The following PNLIPRP1 variants were observed in gnomAD, a reference collection of about 807,000 sequenced individuals.
The protein encoded by PNLIPRP1 is pancreatic lipase related protein 1, also known as inactive pancreatic lipase-related protein 1.
Under a neutral mutation model 54.6 loss-of-function variants are expected in PNLIPRP1, and 57 were observed. The ratio of observed to expected loss-of-function variants is 1.04; its 90% confidence interval spans 0.84 to 1.30. PNLIPRP1 has a LOEUF of 1.30. Among genes scored for constraint, PNLIPRP1 ranks in the 50% most tolerant of loss-of-function variants. The probability of loss-of-function intolerance (pLI) is 0.00; values close to 1 mark genes in which losing one functional copy is unlikely to be tolerated. For synonymous variants in PNLIPRP1, 232 were observed against 208.8 expected (o/e 1.11, Z -0.96); for missense variants, 567 against 568.5 (o/e 1.00, Z 0.03).
At chr10:116,608,967 CAA>C in intron 12 of PNLIPRP1, 84 bp from the exon 13 acceptor site, 1 of 1,093,284 alleles carries the variant, frequency 9.1e-7, no homozygotes. Flanking sequence ...AAAACCAAAC[CAA>C]ACCAAACCAA....
chr10:116,592,699 C>T (rs1564735153), intron 4 of PNLIPRP1, 158 bp downstream of exon 4: 5 of 873,594 alleles, frequency 5.7e-6, no homozygotes, highest in African/African-American at 1.7e-5. Context: ...TCCATGTTTC[C>T]GCACTACATC....
rs1554863965 is a variant in PNLIPRP1 at position 116,596,331 on chromosome 10, C to T, written c.574+9C>T. 2.6e-6 allele frequency: 4 copies of T among 1,555,466 alleles called. No individual in the cohort carries two copies. Among genetic ancestry groups the T allele is most frequent in the South Asian group, 1.1e-5 (1 of 89,250 alleles). On this transcript the variant is annotated intron_variant, in intron 6 of 12. Coordinates refer to ENST00000358834, the MANE Select transcript of PNLIPRP1 (RefSeq NM_006229.4). ...CCTGAGCAGGATTACAGGTAAGGCC[C>T]CAGAGGCAGGGCCCCAGTTTTGTCC...
At chr10:116,604,854 G>A (rs1435083488) in intron 11 of PNLIPRP1, among the ~76,000 whole-genome samples, 1 of 151,736 alleles carries the variant, frequency 6.6e-6, no homozygotes, top group East Asian at 1.9e-4. Flanking sequence ...ACACCTGGCT[G>A]ATTTTTGTAT....
chr10:116,591,272 A>T lies in PNLIPRP1; in HGVS notation c.49+94A>T, dbSNP rs1225512442. 6 of 927,044 alleles carry T rather than the reference A, an allele frequency of 6.5e-6. No individual in the cohort carries two copies. The African/African-American group carries it at 9.7e-5, about 15-fold the overall frequency. 57.4% of individuals were successfully genotyped at this position (927,044 alleles called of 1,614,324 possible). On this transcript the variant is annotated intron_variant, in intron 2 of 12. Transcript: ENST00000358834. ...CTTTAACTGTGGCAGGGCTCCCAGC[A>T]GCTCCAGGGTACCAGAGAGAAGATG... is the stretch of plus-strand genomic sequence containing the variant.
intron 5 of PNLIPRP1, 191 bp downstream of exon 5, chr10:116,595,055 A>G (rs1847711782): frequency 1.6e-6 from 1 of 626,254 alleles, no homozygotes; most frequent in South Asian, 2.6e-5. Flanking sequence ...GCTAACACTT[A>G]GAAAGTGGTT....
At chr10:116,603,235 C>T (rs988858277) in intron 10 of PNLIPRP1, among the ~76,000 whole-genome samples, 5 of 152,228 alleles carry the variant, frequency 3.3e-5, no homozygotes, top group East Asian at 3.9e-4. Context: ...TCCCCGCCCT[C>T]GAGGTGCTTG....
intron 12 of PNLIPRP1, among the ~76,000 whole-genome samples, chr10:116,607,126 G>T (rs1404603561): frequency 6.6e-6 from 1 of 151,854 alleles, no homozygotes; most frequent in Admixed American, 6.6e-5. Context: ...ACCTCATTGG[G>T]GTTTCAATTC....
chr10:116,594,653 C>A, intron 4 of PNLIPRP1, 77 bp from the exon 5 acceptor site: 1 of 1,523,812 alleles, frequency 6.6e-7, no homozygotes, highest in Non-Finnish European at 9.1e-7. Context: ...AGAGAAGTGG[C>A]CATTTCTGAG....
chr10:116,591,322 G>C (rs1405094534), intron 2 of PNLIPRP1, 144 bp downstream of exon 2: 1 of 658,714 alleles, frequency 1.5e-6, no homozygotes, highest in African/African-American at 1.8e-5. Context: ...GCCTGGGAGA[G>C]TAGGCTGGGC....
intron 12 of PNLIPRP1, among the ~76,000 whole-genome samples, chr10:116,606,922 A>G (rs1300926543): frequency 6.6e-6 from 1 of 152,170 alleles, no homozygotes; most frequent in Non-Finnish European, 1.5e-5. Flanking sequence ...AGGAAAGTCA[A>G]AACAGCTTCA....
In PNLIPRP1 at chr10:116,600,823, T is replaced by A. The variant is rs558297612; in HGVS notation, c.934-249T>A. The stretch of plus-strand genomic sequence containing the variant: ...CACCAGCTCCACTCAACAGAAGGTA[T>A]AATTGATCTAACCTGGGTCCTGGGC... On this transcript the variant is annotated intron_variant, in intron 9 of 12. Coordinates refer to ENST00000358834, the MANE Select transcript of PNLIPRP1 (RefSeq NM_006229.4). Among the ~76,000 whole-genome samples the A allele has an allele frequency of 7.2e-5, 11 of 152,350 alleles. No individual in the cohort carries two copies. The South Asian group carries it at 2.3e-3, about 32-fold the overall frequency.
In PNLIPRP1 at chr10:116,591,003, A is replaced by T; in HGVS notation, c.-1+8A>T. The T allele has an allele frequency of 1.5e-6, 1 of 682,288 alleles. No homozygotes were observed. The highest frequency in any genetic ancestry group is 2.6e-6 in the Non-Finnish European group (1 of 384,268). 42.3% of individuals were successfully genotyped at this position (682,288 alleles called of 1,614,324 possible). ...TCTGGAACATTAGACAGGGTAAGCC[A>T]CCTTTGCAACTCCTTTCCCCCTGCT... On this transcript the variant is annotated splice_region_variant and intron_variant, in intron 1 of 12. Transcript: ENST00000358834.
intron 10 of PNLIPRP1, among the ~76,000 whole-genome samples, chr10:116,603,034 T>C (rs1439736793): frequency 6.6e-6 from 1 of 151,306 alleles, no homozygotes; most frequent in Non-Finnish European, 1.5e-5. Flanking sequence ...TGCACATGCA[T>C]ATGTTTGTGT....
At chr10:116,601,320 A>C in intron 10 of PNLIPRP1, 119 bp downstream of exon 10, 1 of 937,330 alleles carries the variant, frequency 1.1e-6, no homozygotes, top group Non-Finnish European at 1.6e-6. Context: ...TTAGAAATGG[A>C]CACATTTACC....
chr10:116,602,050 G>C (rs3010498), intron 10 of PNLIPRP1, among the ~76,000 whole-genome samples: 131,800 of 149,468 alleles, frequency 0.88, 58,528 homozygotes, highest in East Asian at 1. Flanking sequence ...GAGTCTCGCT[G>C]TGTCGCCCAG....
intron 5 of PNLIPRP1, 77 bp downstream of exon 5, chr10:116,594,941 G>A: frequency 6.6e-7 from 1 of 1,519,592 alleles, no homozygotes; most frequent in East Asian, 2.3e-5. Flanking sequence ...GCAGCTGAGA[G>A]TTATGGATTA....
chr10:116,601,020 G>A lies in PNLIPRP1; in HGVS notation c.934-52G>A, dbSNP rs148829380. The A allele has an allele frequency of 3.4e-5, 52 of 1,539,318 alleles. 1 individual carries two copies. In the Admixed American group the frequency reaches 6.8e-4, roughly 20 times the overall value. Reference sequence around the variant, plus strand: ...GAGTGTCTGCCCTCTCAGATGTATCGATCATACAAACACAAATTCTCCTTA... The same window carrying A: ...GAGTGTCTGCCCTCTCAGATGTATCAATCATACAAACACAAATTCTCCTTA... On this transcript the variant is annotated intron_variant, in intron 9 of 12. Coordinates refer to ENST00000358834, the MANE Select transcript of PNLIPRP1 (RefSeq NM_006229.4).
At chr10:116,596,152 G>A in intron 5 of PNLIPRP1, 62 bp from the exon 6 acceptor site, 2 of 1,105,872 alleles carry the variant, frequency 1.8e-6, no homozygotes, top group Non-Finnish European at 2.8e-6. Flanking sequence ...ATATCCATTA[G>A]GCTGGCATTT....
chr10:116,602,685 C>G (rs918487362), intron 10 of PNLIPRP1, among the ~76,000 whole-genome samples: 1 of 152,138 alleles, frequency 6.6e-6, no homozygotes, highest in Non-Finnish European at 1.5e-5. Flanking sequence ...AGGAGTTAGG[C>G]AAGAATCATG....
Sources: gnomAD v4.1 joint callset for allele counts (sites outside exome capture counted in the v4.1 genomes callset) on GRCh38, gnomAD v4.1.1 for gene constraint, MANE v1.5 for transcripts, NCBI Gene and HGNC (gene_info 2026-07-23, HGNC 2026-07-21) for gene names.